USH2A: variants seen among roughly 807,000 people sequenced by gnomAD.
USH2A encodes the protein Usher syndrome 2A (autosomal recessive, mild).
In USH2A, 443 loss-of-function variants were observed where a neutral mutation model predicts 538.9. That is an observed-to-expected ratio of 0.82 (90% confidence interval 0.76 to 0.89). The LOEUF (loss-of-function observed/expected upper bound fraction) is 0.89, where lower values mean the gene tolerates loss of function less well. Ranked by LOEUF, USH2A falls within the 40% of genes least tolerant of loss-of-function variation. The pLI is 0.00. For synonymous variants in USH2A, 2,413 were observed against 2,273.5 expected, an observed-to-expected ratio of 1.06 and a Z score of -1.75; for missense variants, 6,633 against 6,324.8, an observed-to-expected ratio of 1.05 and a Z score of -1.65.
At chr1:216,269,335 C>T (rs910589888) in intron 11 of USH2A, among the ~76,000 whole-genome samples, 4 of 152,186 alleles carry the variant, frequency 2.6e-5, no homozygotes, top group African/African-American at 9.6e-5. Flanking sequence ...TTGCTTGCTG[C>T]CACCCATACA....
At chr1:216,208,230 A>G (rs2035161414) in intron 15 of USH2A, among the ~76,000 whole-genome samples, 1 of 152,126 alleles carries the variant, frequency 6.6e-6, no homozygotes, top group African/African-American at 2.4e-5. Context: ...ACAGCTAAAT[A>G]TTTTTAGGGA....
Position 216,246,989 on chromosome 1 carries a change from G to C in USH2A, c.2405C>G (p.Ser802Cys), listed in dbSNP as rs760130436. Residue 802 changes from serine to cysteine, a missense_variant, in exon 13 of 72, where the codon TCC becomes TGC. By Grantham distance (112) the Ser-to-Cys change is moderately radical. Transcript: ENST00000307340. Reference protein sequence around the residue: ...CKACDCDTAGSLPGTVCNAKT... With the variant: ...CKACDCDTAGCLPGTVCNAKT... The stretch of plus-strand genomic sequence containing the variant: ...AGCATTACAGACAGTCCCAGGGAGG[G>C]ATCCAGCTGTGTCACAGTCACAGGC... 5.0e-6 allele frequency: 8 copies of C among 1,613,940 alleles called. No homozygotes were observed. In the South Asian group the frequency reaches 8.8e-5, roughly 18 times the overall value.
chr1:216,366,253 A>G (rs1469821086), intron 3 of USH2A, among the ~76,000 whole-genome samples: 2 of 152,196 alleles, frequency 1.3e-5, no homozygotes, highest in Non-Finnish European at 2.9e-5. Context: ...GGATGTTAAC[A>G]TTTTAATTAA....
intron 37 of USH2A, among the ~76,000 whole-genome samples, chr1:215,938,695 CA>C (rs1179931217): frequency 6.6e-6 from 1 of 152,144 alleles, no homozygotes; most frequent in Non-Finnish European, 1.5e-5. Context: ...CGCAACTCCC[CA>C]CTGCCTGCTT....
intron 19 of USH2A, among the ~76,000 whole-genome samples, chr1:216,193,502 G>T (rs1344592642): frequency 1.3e-5 from 2 of 152,088 alleles, no homozygotes; most frequent in Non-Finnish European, 2.9e-5. Context: ...ATTAGTAGTG[G>T]ATTGTATAGT....
intron 27 of USH2A, among the ~76,000 whole-genome samples, chr1:216,073,880 G>C (rs1348189245): frequency 6.6e-6 from 1 of 152,236 alleles, no homozygotes; most frequent in Non-Finnish European, 1.5e-5. Flanking sequence ...TTTAGCCCGA[G>C]TTACATCAGC....
intron 21 of USH2A, among the ~76,000 whole-genome samples, chr1:216,122,715 A>G (rs1365510009): frequency 6.6e-6 from 1 of 152,174 alleles, no homozygotes; most frequent in Non-Finnish European, 1.5e-5. Context: ...GCCTTAAAGC[A>G]TAAGTCTGAA....
intron 44 of USH2A, among the ~76,000 whole-genome samples, chr1:215,858,162 T>C (rs1664221516): frequency 6.6e-6 from 1 of 152,122 alleles, no homozygotes; most frequent in South Asian, 2.1e-4. Flanking sequence ...GTTAAATATG[T>C]GTATATTGGG....
At chr1:216,047,610 G>A (rs555527030) in intron 31 of USH2A, among the ~76,000 whole-genome samples, 40 of 152,198 alleles carry the variant, frequency 2.6e-4, no homozygotes, top group African/African-American at 9.6e-4. Context: ...ATGGGTCCAT[G>A]TCTTCCTTTC....
intron 19 of USH2A, among the ~76,000 whole-genome samples, 168 bp downstream of exon 19, chr1:216,196,385 G>A (rs767999756): frequency 3.3e-5 from 5 of 151,998 alleles, no homozygotes; most frequent in Non-Finnish European, 7.4e-5. Context: ...AAAAATACAA[G>A]TGACATACAA....
intron 30 of USH2A, among the ~76,000 whole-genome samples, chr1:216,059,308 T>A (rs1279190639): frequency 6.6e-6 from 1 of 152,190 alleles, no homozygotes; most frequent in African/African-American, 2.4e-5. Flanking sequence ...TTGACAACTC[T>A]TTATATGGCC....
At chr1:215,638,867 A>C (rs1029404524) in intron 69 of USH2A, among the ~76,000 whole-genome samples, 4 of 150,770 alleles carry the variant, frequency 2.7e-5, no homozygotes, top group Non-Finnish European at 4.4e-5. Context: ...AATCCCAGCT[A>C]CTCGGGAGGC....
At chr1:216,111,591 TA>T (rs1211697980) in intron 21 of USH2A, among the ~76,000 whole-genome samples, 1 of 151,844 alleles carries the variant, frequency 6.6e-6, no homozygotes, top group African/African-American at 2.4e-5. Context: ...TCAGAAACTT[TA>T]AAAAACGCTT....
chr1:215,918,890 T>G (rs950851533), intron 38 of USH2A, among the ~76,000 whole-genome samples: 1 of 152,120 alleles, frequency 6.6e-6, no homozygotes, highest in African/African-American at 2.4e-5. Flanking sequence ...CAGTATAGCA[T>G]TGGCATCAGA....
chr1:216,376,744 C>T (rs942192089), intron 3 of USH2A, among the ~76,000 whole-genome samples: 3 of 152,042 alleles, frequency 2.0e-5, no homozygotes, highest in African/African-American at 7.2e-5. Context: ...GTCAGAAGGG[C>T]CATCAATCAG....
intron 38 of USH2A, among the ~76,000 whole-genome samples, chr1:215,912,367 A>T (rs979250870): frequency 1.3e-5 from 2 of 150,860 alleles, no homozygotes; most frequent in Non-Finnish European, 3.0e-5. Flanking sequence ...TTTTGATTTT[A>T]TTTTTGTACA....
At position 215,913,736 on chromosome 1, in the gene USH2A, G is replaced by C. The variant is rs1008091206; in HGVS notation, c.7301-12831C>G. Among the ~76,000 whole-genome samples, 3 of 151,576 alleles carry C rather than the reference G, an allele frequency of 2.0e-5. No individual in the cohort carries two copies. The East Asian group carries it at 5.9e-4, about 30-fold the overall frequency. On this transcript the variant is annotated intron_variant, in intron 38 of 71. Transcript: ENST00000307340. ...TCATCTTATTGATATACTTTGATTC[G>C]AGTTTTTTTTTTCCATAAAAGTTGA...
At chr1:216,380,374 C>A (rs550463540) in intron 3 of USH2A, among the ~76,000 whole-genome samples, 1 of 152,094 alleles carries the variant, frequency 6.6e-6, no homozygotes, top group East Asian at 1.9e-4. Flanking sequence ...GAATACAGAG[C>A]CAGAATCACA....
chr1:216,026,228 T>G (rs898825531), intron 32 of USH2A, among the ~76,000 whole-genome samples: 2 of 152,172 alleles, frequency 1.3e-5, no homozygotes, highest in Non-Finnish European at 2.9e-5. Flanking sequence ...AAAACAAGCA[T>G]TTATTTCTAA....
Sources: gnomAD v4.1 joint callset for allele counts (sites outside exome capture counted in the v4.1 genomes callset) on GRCh38, gnomAD v4.1.1 for gene constraint, MANE v1.5 for transcripts, NCBI Gene and HGNC (gene_info 2026-07-23, HGNC 2026-07-21) for gene names.